DCC: variants seen among roughly 807,000 people sequenced by gnomAD.
The protein encoded by DCC is DCC netrin 1 receptor.
In DCC, 58 loss-of-function variants were observed where a neutral mutation model predicts 172.5. That is an observed-to-expected ratio of 0.34 (90% CI 0.27 to 0.42). DCC has a LOEUF of 0.42. Ranked by LOEUF, DCC falls within the 10% of genes least tolerant of loss-of-function variation. The pLI is 1.00. For synonymous variants in DCC, 709 were observed against 644.5 expected, an observed-to-expected ratio of 1.10 and a Z score of -1.52; for missense variants, 1,740 against 1,791.0, an observed-to-expected ratio of 0.97 and a Z score of 0.51.
chr18:52,940,278 G>A (rs1568200219), intron 5 of DCC, among the ~76,000 whole-genome samples: 1 of 152,110 alleles, frequency 6.6e-6, no homozygotes, highest in Non-Finnish European at 1.5e-5. Context: ...GTATAAGGGA[G>A]GGGCATCATG....
At chr18:53,155,762 C>T (rs189245690) in intron 7 of DCC, among the ~76,000 whole-genome samples, 196 of 152,326 alleles carry the variant, frequency 1.3e-3, no homozygotes, top group African/African-American at 4.3e-3. Flanking sequence ...AGAGGTGGCT[C>T]ACGCCAGTAA....
intron 1 of DCC, among the ~76,000 whole-genome samples, chr18:52,415,084 G>A (rs1221484318): frequency 6.6e-6 from 1 of 152,156 alleles, no homozygotes; most frequent in Non-Finnish European, 1.5e-5. Context: ...TTGCCAGAAT[G>A]GCTGAGATTT....
At chr18:53,519,752 C>G (rs973808011) in intron 27 of DCC, among the ~76,000 whole-genome samples, 1 of 144,442 alleles carries the variant, frequency 6.9e-6, no homozygotes, top group Non-Finnish European at 1.6e-5. Flanking sequence ...AAGTGTTGTT[C>G]TCCAAAGTGA....
At chr18:53,308,995 T>A (rs1444802422) in intron 13 of DCC, among the ~76,000 whole-genome samples, 3 of 152,096 alleles carry the variant, frequency 2.0e-5, no homozygotes, top group African/African-American at 4.8e-5. Flanking sequence ...TCTGCCTCCA[T>A]CTTTTTATAC....
chr18:53,212,559 G>C (rs2055772611), intron 11 of DCC, among the ~76,000 whole-genome samples: 1 of 151,970 alleles, frequency 6.6e-6, no homozygotes, highest in Non-Finnish European at 1.5e-5. Flanking sequence ...GCTATCAGTG[G>C]AAAGTTAGAG....
chr18:53,144,889 G>A (rs2144359165), intron 7 of DCC, among the ~76,000 whole-genome samples: 1 of 152,148 alleles, frequency 6.6e-6, no homozygotes, highest in South Asian at 2.1e-4. Flanking sequence ...AAGAAATTCA[G>A]GAACAGGAGA....
At chr18:52,700,217 T>C (rs1315939196) in intron 1 of DCC, among the ~76,000 whole-genome samples, 1 of 48,536 alleles carries the variant, frequency 2.1e-5, no homozygotes, top group African/African-American at 7.7e-5. Flanking sequence ...CATGCACATG[T>C]GCACACACAT....
intron 7 of DCC, among the ~76,000 whole-genome samples, chr18:53,132,963 C>T (rs2043680906): frequency 6.6e-6 from 1 of 152,188 alleles, no homozygotes; most frequent in African/African-American, 2.4e-5. Flanking sequence ...CATCCCAATA[C>T]TAGGATATTT....
chr18:52,348,276 C>T (rs899888239), intron 1 of DCC, among the ~76,000 whole-genome samples: 1 of 152,120 alleles, frequency 6.6e-6, no homozygotes. Context: ...GTAAAGTTGG[C>T]ATAAACATTC....
At chr18:53,241,442 A>G (rs756039727) in intron 12 of DCC, among the ~76,000 whole-genome samples, 9 of 152,100 alleles carry the variant, frequency 5.9e-5, no homozygotes, top group African/African-American at 9.7e-5. Context: ...ACCAACATAG[A>G]CAAGGGGTTG....
chr18:52,781,819 A>T (rs1428106151), intron 2 of DCC, among the ~76,000 whole-genome samples: 2 of 152,220 alleles, frequency 1.3e-5, no homozygotes, highest in East Asian at 3.9e-4. Flanking sequence ...CATCAATTGG[A>T]TGTTATACCC....
chr18:53,353,114 C>A (rs2057831822), intron 15 of DCC, among the ~76,000 whole-genome samples: 1 of 151,834 alleles, frequency 6.6e-6, no homozygotes, highest in African/African-American at 2.4e-5. Flanking sequence ...CTCGTTTCTA[C>A]TAAAAATACA....
intron 24 of DCC, among the ~76,000 whole-genome samples, chr18:53,466,693 T>C (rs1175380090): frequency 2.0e-5 from 3 of 152,054 alleles, no homozygotes; most frequent in Non-Finnish European, 2.9e-5. Flanking sequence ...ACCCAGCTAA[T>C]TTTTGTATTT....
chr18:52,747,283 A>G (rs1183403110), intron 1 of DCC, among the ~76,000 whole-genome samples: 3 of 152,304 alleles, frequency 2.0e-5, no homozygotes, highest in South Asian at 4.1e-4. Context: ...GGCAGAGTTC[A>G]AAGGATTTCT....
chr18:53,366,346 C>T (rs1432022433), intron 15 of DCC, among the ~76,000 whole-genome samples: 1 of 152,150 alleles, frequency 6.6e-6, no homozygotes, highest in Non-Finnish European at 1.5e-5. Flanking sequence ...CCACACCCAG[C>T]CCTTAATATG....
intron 1 of DCC, among the ~76,000 whole-genome samples, chr18:52,710,163 AC>A (rs2036272328): frequency 6.6e-6 from 1 of 152,254 alleles, no homozygotes; most frequent in Non-Finnish European, 1.5e-5. Context: ...TGCATTTTTA[AC>A]TGAAAAAATG....
chr18:52,671,007 CTT>C (rs1341004961), intron 1 of DCC, among the ~76,000 whole-genome samples: 3 of 152,158 alleles, frequency 2.0e-5, no homozygotes, highest in Non-Finnish European at 4.4e-5. Flanking sequence ...CCAGCAGGGT[CTT>C]TGACATCGGA....
intron 27 of DCC, among the ~76,000 whole-genome samples, chr18:53,507,892 CT>C (rs780896758): frequency 0.087 from 11,371 of 130,864 alleles, 910 homozygotes; most frequent in African/African-American, 0.29. Context: ...ACAGATACCA[CT>C]TTTTTTTTTT....
chr18:52,492,558 T>C (rs1276571297), intron 1 of DCC, among the ~76,000 whole-genome samples: 1 of 151,916 alleles, frequency 6.6e-6, no homozygotes, highest in African/African-American at 2.4e-5. Flanking sequence ...TGAAATGATT[T>C]GAGTTTCATG....
Sources: gnomAD v4.1 joint callset for allele counts (sites outside exome capture counted in the v4.1 genomes callset) on GRCh38, gnomAD v4.1.1 for gene constraint, MANE v1.5 for transcripts, NCBI Gene and HGNC (gene_info 2026-07-23, HGNC 2026-07-21) for gene names.